The following ANKRD24 variants were observed in gnomAD, a reference collection of about 807,000 sequenced individuals.
ANKRD24 encodes ankyrin repeat domain 24.
In ANKRD24, 109 loss-of-function variants were observed where a neutral mutation model predicts 127.8. The ratio of observed to expected loss-of-function variants is 0.85; its 90% CI spans 0.73 to 1.00. The LOEUF (loss-of-function observed/expected upper bound fraction) is 1.00. Ranked by LOEUF, ANKRD24 falls within the 50% of genes least tolerant of loss-of-function variation. ANKRD24 has a pLI of 0.00. For synonymous variants in ANKRD24, 743 were observed against 671.1 expected (o/e 1.11, Z -1.66); for missense variants, 1,648 against 1,570.2 (o/e 1.05, Z -0.84).
chr19:4,217,147 G>A lies in ANKRD24; in HGVS notation c.1987G>A (p.Glu663Lys). Reference protein sequence around the residue: ...QAYGVGAGQAEPPVTGTTNME... With the variant: ...QAYGVGAGQAKPPVTGTTNME... ...CTACGGAGTGGGTGCTGGGCAAGCAGAGCCCCCAGTCACAGGGACCACAAA... is the reference window on the plus strand; with the variant it reads ...CTACGGAGTGGGTGCTGGGCAAGCAAAGCCCCCAGTCACAGGGACCACAAA... Residue 663 changes from glutamate to lysine, a missense_variant, in exon 18 of 22, where the codon GAG becomes AAG. By Grantham distance (56) the Glu-to-Lys change is moderately conservative. Coordinates refer to ENST00000318934, the MANE Select transcript of ANKRD24 (RefSeq NM_001393985.1). 6.2e-7 allele frequency: 1 copy of A among 1,613,452 alleles called. No individual in the cohort carries two copies. The highest frequency in any genetic ancestry group is 1.1e-5 in the South Asian group (1 of 90,996).
chr19:4,209,949 T>A (rs1447538004), intron 11 of ANKRD24, 109 bp from the exon 12 acceptor site: 1 of 656,948 alleles, frequency 1.5e-6, no homozygotes, highest in Non-Finnish European at 2.7e-6. Flanking sequence ...GGTTCCATGT[T>A]CTCAGGAAGT....
Position 4,217,225 on chromosome 19 carries a change from G to C in ANKRD24, c.2065G>C (p.Ala689Pro), listed in dbSNP as rs1350927610. Reference sequence around the variant, plus strand: ...AGGGATGGAATCCACAGGAGTCAGTGCCACAGGTGTGGAGAACCCAGGGGT... The same window carrying C: ...AGGGATGGAATCCACAGGAGTCAGTCCCACAGGTGTGGAGAACCCAGGGGT... The part of the protein sequence containing the change: ...ATGMESTGVS[A>P]TGVENPGVEA... Residue 689 changes from alanine (A) to proline (P), a missense_variant, in exon 18 of 22, where the codon GCC (alanine) becomes CCC (proline). Ala to Pro is a conservative substitution (Grantham distance 27, BLOSUM62 -1). Coordinates refer to ENST00000318934, the MANE Select transcript of ANKRD24 (RefSeq NM_001393985.1). 1 of 1,601,178 alleles carries C rather than the reference G, an allele frequency of 6.2e-7. No individual in the cohort carries two copies.
Position 4,212,716 on chromosome 19 carries a change from T to G in ANKRD24, c.1197+18T>G. ...TGCTGGAGGTAGGAGCAGTGATGAGTCAGGGCTGGGCTGGGGCTGGGTCGG... is the reference window on the plus strand; with the variant it reads ...TGCTGGAGGTAGGAGCAGTGATGAGGCAGGGCTGGGCTGGGGCTGGGTCGG... On this transcript the variant is annotated intron_variant, in intron 15 of 21. Transcript: ENST00000318934. 6.5e-7 allele frequency: 1 copy of G among 1,543,430 alleles called. No individual in the cohort carries two copies. Among genetic ancestry groups the G allele is most frequent in the Admixed American group, 2.0e-5 (1 of 50,836 alleles).
At chr19:4,189,069 C>T (rs922732632) in intron 2 of ANKRD24, among the ~76,000 whole-genome samples, 1 of 152,032 alleles carries the variant, frequency 6.6e-6, no homozygotes, top group African/African-American at 2.4e-5. Context: ...CTCAGCCTCC[C>T]AAAGTGCTGG....
intron 2 of ANKRD24, among the ~76,000 whole-genome samples, chr19:4,191,663 G>A (rs1447605430): frequency 6.6e-6 from 1 of 151,188 alleles, no homozygotes; most frequent in East Asian, 2.0e-4. Context: ...TGTGTTTTTA[G>A]TAGAGACGGG....
At chr19:4,200,058 C>G (rs1417145598) in intron 4 of ANKRD24, 25 bp from the exon 5 acceptor site, 1 of 1,571,866 alleles carries the variant, frequency 6.4e-7, no homozygotes, top group African/African-American at 1.4e-5. Flanking sequence ...AACCTTGCGG[C>G]TGAACCCTTG....
chr19:4,219,014 C>T (rs1002950092), intron 18 of ANKRD24, among the ~76,000 whole-genome samples: 1 of 152,058 alleles, frequency 6.6e-6, no homozygotes, highest in Admixed American at 6.6e-5. Flanking sequence ...GGCCGGGCAC[C>T]GTGGCTCACG....
At chr19:4,185,834 A>G (rs1968030662) in intron 1 of ANKRD24, among the ~76,000 whole-genome samples, 1 of 152,154 alleles carries the variant, frequency 6.6e-6, no homozygotes, top group East Asian at 1.9e-4. Flanking sequence ...CAGCCCATGG[A>G]GCCAGGGGTG....
chr19:4,222,118 G>A (rs1292190826), intron 19 of ANKRD24, among the ~76,000 whole-genome samples: 4 of 152,252 alleles, frequency 2.6e-5, no homozygotes, highest in African/African-American at 9.6e-5. Flanking sequence ...GCCGGGCGCG[G>A]TGGCTCACGC....
intron 19 of ANKRD24, among the ~76,000 whole-genome samples, chr19:4,222,217 C>T (rs1045916554): frequency 7.9e-5 from 12 of 152,126 alleles, no homozygotes; most frequent in South Asian, 4.2e-4. Context: ...GGCGAAACCC[C>T]GTCTCTACTA....
At chr19:4,193,850 A>AGGAC (rs1968535432) in intron 2 of ANKRD24, among the ~76,000 whole-genome samples, 1 of 38,404 alleles carries the variant, frequency 2.6e-5, no homozygotes, top group Non-Finnish European at 4.8e-5. Flanking sequence ...GGAGGGAGGA[A>AGGAC]GGAAGGAAGG....
chr19:4,207,620 C>G lies in ANKRD24; in HGVS notation c.644+13C>G, dbSNP rs749142145. Reference sequence around the variant, plus strand: ...ACCTGCAAGGCAGGTGAGCATCTCCCCTCCCAGCCAGTCCACCCTATGCTG... The same window carrying G: ...ACCTGCAAGGCAGGTGAGCATCTCCGCTCCCAGCCAGTCCACCCTATGCTG... On this transcript the variant is annotated intron_variant, in intron 9 of 21. Transcript: ENST00000318934. The G allele has an allele frequency of 1.9e-6, 3 of 1,612,686 alleles. No individual in the cohort carries two copies. The South Asian group carries it at 3.3e-5, about 18-fold the overall frequency.
At position 4,202,022 on chromosome 19, in the gene ANKRD24, C is replaced by T; in HGVS notation, c.344-4C>T. 1.9e-6 allele frequency: 3 copies of T among 1,613,750 alleles called. No individual in the cohort carries two copies. The highest frequency in any genetic ancestry group is 2.5e-6 in the Non-Finnish European group (3 of 1,179,744). The stretch of plus-strand genomic sequence containing the variant: ...GCTCCAGTAAATCTTCTTTCCTTCC[C>T]CAGGTTACAATGCCCTCCACCTGGC... On this transcript the variant is annotated splice_polypyrimidine_tract_variant and splice_region_variant and intron_variant, in intron 5 of 21. Transcript: ENST00000318934.
chr19:4,212,761 A>G, intron 15 of ANKRD24, 63 bp downstream of exon 15: 1 of 1,446,002 alleles, frequency 6.9e-7, no homozygotes, highest in Non-Finnish European at 9.4e-7. Context: ...CTCCTACAGC[A>G]GCGACAAGAC....
chr19:4,222,930 G>A (rs1024864839), intron 20 of ANKRD24, 135 bp downstream of exon 20: 36 of 1,022,946 alleles, frequency 3.5e-5, no homozygotes, highest in African/African-American at 4.9e-5. Context: ...TCACATGCAC[G>A]GCATGGCCAG....
At chr19:4,189,332 A>T (rs1230559668) in intron 2 of ANKRD24, among the ~76,000 whole-genome samples, 1 of 131,226 alleles carries the variant, frequency 7.6e-6, no homozygotes. Flanking sequence ...TGCAAGCTCC[A>T]CTTCCTGGAT....
intron 11 of ANKRD24, 38 bp from the exon 12 acceptor site, chr19:4,210,020 G>A (rs67953324): frequency 0.41 from 542,859 of 1,335,376 alleles, 112,910 homozygotes; most frequent in Non-Finnish European, 0.43. Context: ...ATGGCCCCCC[G>A]ATCGGCCCCC....
Position 4,216,638 on chromosome 19 carries a change from G to GA in ANKRD24, c.1478_1479insA (p.Ala494GlyfsTer4), listed in dbSNP as rs957068484. The stretch of plus-strand genomic sequence containing the variant: ...CCTCTTGCCCTCTATGACTCTCTCC[G>GA]GGCCGAGTTTGACCAGCTACGCAGG... On this transcript the variant is annotated frameshift_variant, in exon 18 of 22. Coordinates refer to ENST00000318934, the MANE Select transcript of ANKRD24 (RefSeq NM_001393985.1). LOFTEE classifies it high-confidence loss of function. 1 of 1,607,856 alleles carries GA rather than the reference G, an allele frequency of 6.2e-7. No homozygotes were observed.
intron 5 of ANKRD24, 75 bp downstream of exon 5, chr19:4,200,246 T>A: frequency 7.0e-7 from 1 of 1,429,474 alleles, no homozygotes; most frequent in Admixed American, 2.2e-5. Flanking sequence ...AGCCAGACCC[T>A]GCTCCCAGGT....
Sources: allele counts gnomAD v4.1 joint callset (sites outside exome capture counted in the v4.1 genomes callset), GRCh38; gene constraint gnomAD v4.1.1; transcripts MANE v1.5; gene names NCBI Gene and HGNC (gene_info 2026-07-23, HGNC 2026-07-21).